CPA6: variants seen among roughly 807,000 people sequenced by gnomAD.
The protein encoded by CPA6 is carboxypeptidase B.
Under a neutral mutation model 63.3 loss-of-function variants are expected in CPA6, and 58 were observed. The ratio of observed to expected loss-of-function variants is 0.92; its 90% CI spans 0.74 to 1.14. The LOEUF is 1.14. Among genes scored for constraint, CPA6 ranks in the 50% most tolerant of loss-of-function variants. CPA6 has a pLI of 0.00. For missense variants in CPA6, 565 were observed against 526.6 expected, an observed-to-expected ratio of 1.07 and a Z score of -0.71; for synonymous variants, 185 against 179.0, an observed-to-expected ratio of 1.03 and a Z score of -0.27.
intron 2 of CPA6, among the ~76,000 whole-genome samples, chr8:67,610,590 G>A (rs1301029020): frequency 1.3e-5 from 2 of 152,146 alleles, no homozygotes; most frequent in African/African-American, 4.8e-5. Context: ...TGCTGGAGGT[G>A]ACAGGAGAGA....
At chr8:67,720,472 G>A (rs1456790714) in intron 1 of CPA6, among the ~76,000 whole-genome samples, 1 of 152,158 alleles carries the variant, frequency 6.6e-6, no homozygotes, top group African/African-American at 2.4e-5. Context: ...CCATAGCTAA[G>A]CCATGAAAAT....
chr8:67,532,588 G>A (rs772081537), intron 2 of CPA6, among the ~76,000 whole-genome samples: 1 of 152,116 alleles, frequency 6.6e-6, no homozygotes, highest in Non-Finnish European at 1.5e-5. Context: ...AGGCTGAGAG[G>A]TGGGAGGATC....
intron 2 of CPA6, among the ~76,000 whole-genome samples, chr8:67,537,815 T>C (rs942152755): frequency 1.3e-5 from 2 of 152,242 alleles, no homozygotes; most frequent in Non-Finnish European, 2.9e-5. Flanking sequence ...CTTTCTCTTA[T>C]GGACATTAGT....
chr8:67,647,983 A>T lies in CPA6; in HGVS notation c.117-23732T>A, dbSNP rs549925579. Among the ~76,000 whole-genome samples, 4 of 152,302 alleles carry T rather than the reference A, an allele frequency of 2.6e-5. No individual in the cohort carries two copies. The East Asian group carries it at 5.8e-4, about 22-fold the overall frequency. Reference sequence around the variant, plus strand: ...CTGGGATATTGGGTATCACTCTATGATCTTCCCCTGTGAATGCTAATGAAT... The same window carrying T: ...CTGGGATATTGGGTATCACTCTATGTTCTTCCCCTGTGAATGCTAATGAAT... On this transcript the variant is annotated intron_variant, in intron 1 of 10. Coordinates refer to ENST00000297770, the MANE Select transcript of CPA6 (RefSeq NM_020361.5).
At chr8:67,595,105 A>T (rs1814286530) in intron 2 of CPA6, among the ~76,000 whole-genome samples, 1 of 151,948 alleles carries the variant, frequency 6.6e-6, no homozygotes, top group African/African-American at 2.4e-5. Flanking sequence ...AACAGACAGG[A>T]CCCTCAGCTG....
intron 1 of CPA6, among the ~76,000 whole-genome samples, chr8:67,663,308 A>G (rs990097730): frequency 6.6e-6 from 1 of 152,208 alleles, no homozygotes; most frequent in Admixed American, 6.5e-5. Flanking sequence ...TTAGCCAGTT[A>G]TCAGAATCAC....
At chr8:67,440,040 C>T (rs1259598979) in intron 8 of CPA6, among the ~76,000 whole-genome samples, 2 of 152,106 alleles carry the variant, frequency 1.3e-5, no homozygotes, top group Non-Finnish European at 2.9e-5. Flanking sequence ...TATTAGTTTC[C>T]TAAGGCTGCC....
chr8:67,578,296 G>A (rs544826467), intron 2 of CPA6, among the ~76,000 whole-genome samples: 2 of 152,310 alleles, frequency 1.3e-5, no homozygotes, highest in South Asian at 4.1e-4. Flanking sequence ...CAGTATATCA[G>A]CTGTATATCA....
intron 1 of CPA6, among the ~76,000 whole-genome samples, chr8:67,702,881 CA>C (rs1817055396): frequency 1.3e-5 from 2 of 152,146 alleles, no homozygotes; most frequent in Non-Finnish European, 2.9e-5. Flanking sequence ...TTGAATCTCC[CA>C]AGTTGCCTGC....
intron 1 of CPA6, among the ~76,000 whole-genome samples, chr8:67,741,066 TG>T (rs889026917): frequency 5.2e-4 from 79 of 151,996 alleles, no homozygotes; most frequent in African/African-American, 1.8e-3. Context: ...CCTATGGTCA[TG>T]GGAAAAAAGG....
At chr8:67,694,638 C>T (rs1816876894) in intron 1 of CPA6, among the ~76,000 whole-genome samples, 1 of 152,212 alleles carries the variant, frequency 6.6e-6, no homozygotes, top group African/African-American at 2.4e-5. Flanking sequence ...CTCTGCCAGC[C>T]CGCACCTATG....
chr8:67,730,702 TAGGAG>T (rs1817688982), intron 1 of CPA6, among the ~76,000 whole-genome samples: 1 of 152,196 alleles, frequency 6.6e-6, no homozygotes, highest in Non-Finnish European at 1.5e-5. Flanking sequence ...TCAAGGATTT[TAGGAG>T]CTGTTTGCCA....
At position 67,542,413 on chromosome 8, in the gene CPA6, C is replaced by T. The variant is rs147248925; in HGVS notation, c.193-24366G>A. ...CTTTGAGAAAGGTTAAGTCTTCCAC[C>T]AGTTTTAGATGAAAATTCACTTATT... On this transcript the variant is annotated intron_variant, in intron 2 of 10. Transcript: ENST00000297770. Among the ~76,000 whole-genome samples the T allele has an allele frequency of 9.1e-3, 1,390 of 152,272 alleles. 23 individuals are homozygous for T. The highest frequency in any genetic ancestry group is 0.031 in the African/African-American group (1,287 of 41,544).
intron 1 of CPA6, among the ~76,000 whole-genome samples, chr8:67,721,991 A>T (rs1817510179): frequency 6.6e-6 from 1 of 152,234 alleles, no homozygotes; most frequent in African/African-American, 2.4e-5. Context: ...CAAATAAGGC[A>T]AATGCCAAGC....
intron 2 of CPA6, among the ~76,000 whole-genome samples, chr8:67,590,823 C>T (rs1374672190): frequency 6.6e-6 from 1 of 151,030 alleles, no homozygotes. Context: ...AATTTTCTCC[C>T]ATTTTGTAGG....
intron 1 of CPA6, among the ~76,000 whole-genome samples, chr8:67,683,442 A>AT (rs1816642024): frequency 6.6e-6 from 1 of 152,010 alleles, no homozygotes; most frequent in Non-Finnish European, 1.5e-5. Flanking sequence ...AGCCACAGTA[A>AT]TTTTTACACA....
chr8:67,672,835 G>C (rs1816378932), intron 1 of CPA6, among the ~76,000 whole-genome samples: 1 of 152,096 alleles, frequency 6.6e-6, no homozygotes, highest in South Asian at 2.1e-4. Flanking sequence ...GAACAAATAA[G>C]CCCTAACTGC....
chr8:67,535,801 A>G (rs1812572409), intron 2 of CPA6, among the ~76,000 whole-genome samples: 1 of 152,102 alleles, frequency 6.6e-6, no homozygotes, highest in Admixed American at 6.5e-5. Context: ...CCTGAATGGT[A>G]TTGCCTAGGT....
chr8:67,602,603 C>T (rs1166931448), intron 2 of CPA6, among the ~76,000 whole-genome samples: 3 of 152,132 alleles, frequency 2.0e-5, no homozygotes, highest in Non-Finnish European at 4.4e-5. Context: ...CCTTCCTGTC[C>T]CTCATATCTC....
Sources: gnomAD v4.1 joint callset for allele counts (sites outside exome capture counted in the v4.1 genomes callset) on GRCh38, gnomAD v4.1.1 for gene constraint, MANE v1.5 for transcripts, NCBI Gene and HGNC (gene_info 2026-07-23, HGNC 2026-07-21) for gene names.